Variants in SLC25A26 observed in about 807,000 individuals in gnomAD.
SLC25A26 encodes the protein mitochondrial S-adenosylmethionine carrier protein.
SLC25A26 carries 36 observed loss-of-function variants against 37.8 expected under a neutral mutation model. The observed-to-expected ratio is 0.95, with a 90% CI of 0.73 to 1.26. The LOEUF (loss-of-function observed/expected upper bound fraction) is 1.26. SLC25A26 is among the 50% of genes most tolerant of loss of function. The pLI, the probability that SLC25A26 is intolerant of heterozygous loss-of-function variation, is 0.00. For synonymous variants in SLC25A26, 129 were observed against 122.5 expected (o/e 1.05, Z -0.35); for missense variants, 390 against 331.1 (o/e 1.18, Z -1.38).
intron 8 of SLC25A26, 114 bp from the exon 9 acceptor site, chr3:66,370,415 C>A (rs1700282405): frequency 1.2e-6 from 1 of 859,544 alleles, no homozygotes; most frequent in Non-Finnish European, 1.9e-6. Context: ...TGGTATCTGA[C>A]ACTGTGTTCT....
At chr3:66,319,010 A>C (rs1203976376) in intron 5 of SLC25A26, among the ~76,000 whole-genome samples, 1 of 152,116 alleles carries the variant, frequency 6.6e-6, no homozygotes, top group Non-Finnish European at 1.5e-5. Context: ...CTTGCGCTAT[A>C]CTTACCAACT....
chr3:66,279,429 A>G (rs1305211094), intron 5 of SLC25A26, among the ~76,000 whole-genome samples: 1 of 152,172 alleles, frequency 6.6e-6, no homozygotes, highest in African/African-American at 2.4e-5. Context: ...CTGGTGCTAC[A>G]GTGTCCTCAT....
intron 1 of SLC25A26, among the ~76,000 whole-genome samples, chr3:66,194,128 T>A (rs1030571694): frequency 6.6e-6 from 1 of 152,244 alleles, no homozygotes; most frequent in Non-Finnish European, 1.5e-5. Flanking sequence ...CACATCCTGA[T>A]AAACTGCCAA....
intron 5 of SLC25A26, among the ~76,000 whole-genome samples, chr3:66,283,664 T>C (rs569345116): frequency 6.6e-6 from 1 of 152,358 alleles, no homozygotes; most frequent in Non-Finnish European, 1.5e-5. Context: ...ATTTTTATTT[T>C]AGCCATTTTA....
At chr3:66,173,134 T>A (rs1038358597) in intron 1 of SLC25A26, among the ~76,000 whole-genome samples, 1 of 152,212 alleles carries the variant, frequency 6.6e-6, no homozygotes, top group African/African-American at 2.4e-5. Context: ...AGGAGCTCCA[T>A]AATCGGAAAG....
Position 66,150,880 on chromosome 3 carries a change from G to A in SLC25A26, c.-354+16896G>A, listed in dbSNP as rs560171232. On this transcript the variant is annotated intron_variant, in intron 1 of 10. Coordinates refer to the SLC25A26 transcript ENST00000676754. ...CTGTTTTAGATTGCAGAGGCTGGTA[G>A]TGGGAACCCAGCTGCTCCTACTGTC... is the stretch of plus-strand genomic sequence containing the variant. Among the ~76,000 whole-genome samples, 218 of 151,880 alleles carry A rather than the reference G, an allele frequency of 1.4e-3. 2 individuals are homozygous for A. The highest frequency in any genetic ancestry group is 2.9e-3 in the Admixed American group (44 of 15,226).
At chr3:66,220,557 C>G (rs2106860815), upstream of SLC25A26, among the ~76,000 whole-genome samples, 1 of 152,282 alleles carries the variant, frequency 6.6e-6, no homozygotes, top group East Asian at 1.9e-4. Flanking sequence ...TTTTCTATAT[C>G]TTTATTTAAT....
chr3:66,304,145 A>G (rs782743), intron 5 of SLC25A26, among the ~76,000 whole-genome samples: 105,184 of 152,114 alleles, frequency 0.69, 37,201 homozygotes, highest in African/African-American at 0.84. Flanking sequence ...ACTCAGAACC[A>G]ACTGATGGGG....
intron 1 of SLC25A26, among the ~76,000 whole-genome samples, chr3:66,171,689 C>T (rs1361856412): frequency 6.6e-6 from 1 of 152,154 alleles, no homozygotes; most frequent in East Asian, 1.9e-4. Flanking sequence ...GGGGTTTCAC[C>T]ATGTTGCTCA....
In SLC25A26 at chr3:66,237,861, T is replaced by G. The variant is rs144807665; in HGVS notation, c.190+1161T>G. Among the ~76,000 whole-genome samples, 651 of 152,308 alleles carry G rather than the reference T, an allele frequency of 4.3e-3. 7 individuals carry two copies. The highest frequency in any genetic ancestry group is 0.015 in the African/African-American group (623 of 41,560). ...TTTTCGCAGGATGATTCATGAGAATTTTTTTCTCTTACGTTAACCTGACAT... is the reference window on the plus strand; with the variant it reads ...TTTTCGCAGGATGATTCATGAGAATGTTTTTCTCTTACGTTAACCTGACAT... On this transcript the variant is annotated intron_variant, in intron 2 of 9. Transcript: ENST00000354883.
intron 5 of SLC25A26, among the ~76,000 whole-genome samples, chr3:66,301,944 T>C (rs551589877): frequency 1.4e-4 from 22 of 152,310 alleles, no homozygotes; most frequent in Non-Finnish European, 3.2e-4. Context: ...CCTCATAAGG[T>C]TGTTGGGAAA....
chr3:66,280,141 C>T (rs1214358874), intron 5 of SLC25A26, among the ~76,000 whole-genome samples: 1 of 152,162 alleles, frequency 6.6e-6, no homozygotes, highest in African/African-American at 2.4e-5. Context: ...GTGAGAACAA[C>T]ACATCTCAAT....
At position 66,327,946 on chromosome 3, in the gene SLC25A26, A is replaced by C. The variant is rs576130604; in HGVS notation, c.454-18418A>C. On this transcript the variant is annotated intron_variant, in intron 5 of 9. Transcript: ENST00000354883. ...AATAATGCGCTGAAAGGAGTGGCGG[A>C]ATTGGAAAATTTGTAACCATCATGA... is the stretch of plus-strand genomic sequence containing the variant. 2.0e-5 allele frequency among the ~76,000 whole-genome samples: 3 copies of C among 151,724 alleles called. No individual in the cohort carries two copies. The South Asian group carries it at 6.3e-4, about 32-fold the overall frequency.
At chr3:66,327,520 C>T (rs1322639634) in intron 5 of SLC25A26, among the ~76,000 whole-genome samples, 8 of 151,972 alleles carry the variant, frequency 5.3e-5, no homozygotes, top group Admixed American at 2.0e-4. Context: ...AAAAATGAAA[C>T]GTGTATATAA....
chr3:66,332,800 A>G (rs1342143030), intron 5 of SLC25A26, among the ~76,000 whole-genome samples: 1 of 152,196 alleles, frequency 6.6e-6, no homozygotes, highest in Non-Finnish European at 1.5e-5. Context: ...AGGCACAGAC[A>G]GGGTTTACTT....
At chr3:66,244,655 G>T (rs2072742919) in intron 3 of SLC25A26, among the ~76,000 whole-genome samples, 2 of 152,154 alleles carry the variant, frequency 1.3e-5, no homozygotes, top group African/African-American at 2.4e-5. Context: ...AAAATAGGCA[G>T]TCTGTTCCTA....
intron 5 of SLC25A26, among the ~76,000 whole-genome samples, chr3:66,326,651 G>C (rs570740547): frequency 6.6e-6 from 1 of 152,296 alleles, no homozygotes; most frequent in Non-Finnish European, 1.5e-5. Flanking sequence ...CTGGGTTCCC[G>C]AGAAGCAGGA....
At chr3:66,352,445 T>TGG (rs2076479568) in intron 6 of SLC25A26, among the ~76,000 whole-genome samples, 1 of 150,454 alleles carries the variant, frequency 6.6e-6, no homozygotes, top group Non-Finnish European at 1.5e-5. Flanking sequence ...GTTTTTTGTT[T>TGG]TTTTTTTTGA....
intron 7 of SLC25A26, among the ~76,000 whole-genome samples, chr3:66,364,498 A>C (rs1205392046): frequency 6.6e-6 from 1 of 152,142 alleles, no homozygotes; most frequent in Non-Finnish European, 1.5e-5. Context: ...TGTGACTTAC[A>C]GGATTCTGAA....
Sources: gnomAD v4.1 joint callset for allele counts (sites outside exome capture counted in the v4.1 genomes callset) on GRCh38, gnomAD v4.1.1 for gene constraint, MANE v1.5 for transcripts, NCBI Gene and HGNC (gene_info 2026-07-23, HGNC 2026-07-21) for gene names.